The following STK24 variants were observed in gnomAD, a reference collection of about 807,000 sequenced individuals.
STK24 encodes serine/threonine-protein kinase 24.
A neutral mutation model predicts 55.6 loss-of-function variants in STK24; 21 were observed. The ratio of observed to expected loss-of-function variants is 0.38; its 90% confidence interval spans 0.27 to 0.54. The LOEUF (loss-of-function observed/expected upper bound fraction) is 0.54, where lower values mean the gene tolerates loss of function less well. Ranked by LOEUF, STK24 falls within the 20% of genes least tolerant of loss-of-function variation. The pLI is 0.79. For missense variants in STK24, 383 were observed against 538.4 expected (o/e 0.71, Z 2.86); for synonymous variants, 200 against 215.2 (o/e 0.93, Z 0.62).
At position 98,544,604 on chromosome 13, in the gene STK24, G is replaced by A. The variant is rs548000783; in HGVS notation, c.43-25131C>T. Among the ~76,000 whole-genome samples, 4 of 152,312 alleles carry A rather than the reference G, an allele frequency of 2.6e-5. No homozygotes were observed. The East Asian group carries it at 7.7e-4, about 29-fold the overall frequency. ...GGCAATGCTCCCCACCCTCCAAGCC[G>A]ACCTGAGGCCAGGGTACATGGCAGG... On this transcript the variant is annotated intron_variant, in intron 1 of 10. Coordinates refer to ENST00000539966, the MANE Select transcript of STK24 (RefSeq NM_001032296.4).
At chr13:98,562,196 A>G (rs1473967752) in intron 1 of STK24, among the ~76,000 whole-genome samples, 1 of 152,194 alleles carries the variant, frequency 6.6e-6, no homozygotes, top group Non-Finnish European at 1.5e-5. Flanking sequence ...GGCAAATAAA[A>G]TAGGAAGAAC....
rs1248367615 is a variant in STK24 at position 98,452,137 on chromosome 13, A to G, written c.*1036T>C. 2.0e-5 allele frequency: 3 copies of G among 152,242 alleles called. No individual in the cohort carries two copies. Among genetic ancestry groups the G allele is most frequent in the Admixed American group, 6.5e-5 (1 of 15,288 alleles). 9.4% of individuals were successfully genotyped at this position (152,242 alleles called of 1,614,324 possible). On this transcript the variant is annotated 3_prime_UTR_variant, in exon 11 of 11. Coordinates refer to ENST00000539966, the MANE Select transcript of STK24 (RefSeq NM_001032296.4). ...CAGGTGCCCTGTCCTCTGAAGAGTC[A>G]CATTTCAAGGAGTATGCAAAATAAG... is the stretch of plus-strand genomic sequence containing the variant.
At chr13:98,473,891 T>C (rs1894262290) in intron 5 of STK24, among the ~76,000 whole-genome samples, 1 of 152,248 alleles carries the variant, frequency 6.6e-6, no homozygotes, top group Non-Finnish European at 1.5e-5. Flanking sequence ...CTTCCTGTAC[T>C]ATGTTTAACA....
Position 98,552,095 on chromosome 13 carries a change from T to C in STK24, c.42+24650A>G, listed in dbSNP as rs575021036. Among the ~76,000 whole-genome samples the C allele has an allele frequency of 1.3e-3, 198 of 152,316 alleles. 3 individuals carry two copies. The South Asian group carries it at 0.016, about 12-fold the overall frequency. On this transcript the variant is annotated intron_variant, in intron 1 of 10. Coordinates refer to ENST00000539966, the MANE Select transcript of STK24 (RefSeq NM_001032296.4). ...ACCACAGAATCCTTCCTCTCCACAT[T>C]AGTTACCCCTGGGGAATAAAATCAT...
chr13:98,516,764 G>A lies in STK24; in HGVS notation c.273+2479C>T, dbSNP rs999007981. On this transcript the variant is annotated intron_variant, in intron 2 of 10. Transcript: ENST00000539966. Reference sequence around the variant, plus strand: ...CAGTGTCTGAAGGAAAACAGCCCACGGATCAGGGCAACCAGTGAGGAAGAG... The same window carrying A: ...CAGTGTCTGAAGGAAAACAGCCCACAGATCAGGGCAACCAGTGAGGAAGAG... Among the ~76,000 whole-genome samples, 6 of 152,204 alleles carry A rather than the reference G, an allele frequency of 3.9e-5. No homozygotes were observed. In the East Asian group the frequency reaches 7.7e-4, roughly 20 times the overall value.
At chr13:98,560,904 G>GAA (rs67026041) in intron 1 of STK24, among the ~76,000 whole-genome samples, 2 of 130,646 alleles carry the variant, frequency 1.5e-5, no homozygotes, top group Admixed American at 7.9e-5. Context: ...TCAAAAAAAA[G>GAA]AAAAAAAAAA....
At chr13:98,456,643 C>A in intron 10 of STK24, 1 of 443,722 alleles carries the variant, frequency 2.3e-6, no homozygotes, top group Non-Finnish European at 4.7e-6. Context: ...ACAGGTGGGG[C>A]CACTGGGCAG....
chr13:98,511,901 A>ATT (rs10641055), intron 2 of STK24, among the ~76,000 whole-genome samples: 11,653 of 141,182 alleles, frequency 0.083, 686 homozygotes, highest in African/African-American at 0.14. Flanking sequence ...TTTTACAGTA[A>ATT]TTTTTTTTTT....
intron 1 of STK24, among the ~76,000 whole-genome samples, chr13:98,569,074 C>A (rs1238338854): frequency 6.6e-6 from 1 of 152,110 alleles, no homozygotes; most frequent in Non-Finnish European, 1.5e-5. Context: ...CCACTCCAAG[C>A]CACATCATTG....
rs1491240213 is a variant in STK24 at position 98,449,059 on chromosome 13, T to TGTGA, written c.*4110_*4113dup. The TGTGA allele has an allele frequency of 6.6e-6, 1 of 152,262 alleles. No homozygotes were observed. The highest frequency in any genetic ancestry group is 6.5e-5 in the Admixed American group (1 of 15,286). 9.4% of individuals were successfully genotyped at this position (152,262 alleles called of 1,614,324 possible). On this transcript the variant is annotated 3_prime_UTR_variant, in exon 11 of 11. Transcript: ENST00000539966. ...TGCAATACCTGGACTGTCACCGTCCTGTGAGTGGTGTACACAATGGGAAGA... is the reference window on the plus strand; with the variant it reads ...TGCAATACCTGGACTGTCACCGTCCTGTGAGTGAGTGGTGTACACAATGGGAAGA...
chr13:98,518,719 CAT>C (rs1266065934), intron 2 of STK24, among the ~76,000 whole-genome samples: 1 of 152,138 alleles, frequency 6.6e-6, no homozygotes, highest in Non-Finnish European at 1.5e-5. Flanking sequence ...ATTTTTGTGT[CAT>C]ATTATTATAA....
At chr13:98,463,599 AC>A (rs1893802837) in intron 7 of STK24, 91 bp downstream of exon 7, 17 of 1,402,520 alleles carry the variant, frequency 1.2e-5, no homozygotes, top group African/African-American at 1.5e-5. Context: ...AAAAAAAAAA[AC>A]TCAACAGAAA....
At position 98,551,505 on chromosome 13, in the gene STK24, G is replaced by A. The variant is rs575876082; in HGVS notation, c.42+25240C>T. On this transcript the variant is annotated intron_variant, in intron 1 of 10. Transcript: ENST00000539966. Reference sequence around the variant, plus strand: ...ACTCCAAACTAAATCTTTCTATCACGGCTTCTTTCCCATTATTTCATGCAG... The same window carrying A: ...ACTCCAAACTAAATCTTTCTATCACAGCTTCTTTCCCATTATTTCATGCAG... Among the ~76,000 whole-genome samples the A allele has an allele frequency of 7.4e-5, 11 of 148,962 alleles. No individual in the cohort carries two copies. In the South Asian group the frequency reaches 2.1e-3, roughly 29 times the overall value.
At chr13:98,500,142 TATGCTATTTCAGGAATTGCCTTTTATTTA>T (rs1293478283) in intron 2 of STK24, among the ~76,000 whole-genome samples, 3 of 152,254 alleles carry the variant, frequency 2.0e-5, no homozygotes, top group African/African-American at 7.2e-5. Context: ...AAAACATTAA[TATGCTATTTCAGGAATTGCCTTTTATTTA>T]ATGCTTCATG....
chr13:98,527,963 G>A (rs1031770234), intron 1 of STK24, among the ~76,000 whole-genome samples: 7 of 152,304 alleles, frequency 4.6e-5, no homozygotes, highest in African/African-American at 1.4e-4. Flanking sequence ...CTGACTCAAC[G>A]GCAGAAAGCA....
intron 2 of STK24, among the ~76,000 whole-genome samples, chr13:98,503,655 ACT>A (rs1412870525): frequency 6.6e-6 from 1 of 152,260 alleles, no homozygotes; most frequent in African/African-American, 2.4e-5. Flanking sequence ...ATACAGCCAC[ACT>A]AGGCAGAGCC....
At chr13:98,574,685 A>G (rs1190408145) in intron 1 of STK24, among the ~76,000 whole-genome samples, 1 of 152,248 alleles carries the variant, frequency 6.6e-6, no homozygotes, top group African/African-American at 2.4e-5. Context: ...TGAAAATCTG[A>G]TCATCTTTTC....
intron 3 of STK24, among the ~76,000 whole-genome samples, chr13:98,475,989 C>A (rs576445206): frequency 6.6e-6 from 1 of 152,084 alleles, no homozygotes; most frequent in South Asian, 2.1e-4. Context: ...GCTGAAAGAG[C>A]TTAAATCCTA....
chr13:98,525,996 C>T (rs371257560), intron 1 of STK24, among the ~76,000 whole-genome samples: 14 of 152,178 alleles, frequency 9.2e-5, no homozygotes, highest in African/African-American at 3.4e-4. Flanking sequence ...CACGCCCGCC[C>T]GACCTGAAGG....
Sources: allele counts gnomAD v4.1 joint callset (sites outside exome capture counted in the v4.1 genomes callset), GRCh38; gene constraint gnomAD v4.1.1; transcripts MANE v1.5; gene names NCBI Gene and HGNC (gene_info 2026-07-23, HGNC 2026-07-21).